The following ARHGAP15 variants were observed in gnomAD, a reference collection of about 807,000 sequenced individuals.
ARHGAP15 encodes Rho GTPase activating protein 15, also known as rho GTPase-activating protein 15.
A neutral mutation model predicts 63.7 loss-of-function variants in ARHGAP15; 51 were observed. The observed-to-expected ratio is 0.80, with a 90% confidence interval of 0.64 to 1.01. The LOEUF (loss-of-function observed/expected upper bound fraction) is 1.01, where lower values mean the gene tolerates loss of function less well. Ranked by LOEUF, ARHGAP15 falls within the 50% of genes least tolerant of loss-of-function variation. ARHGAP15 has a pLI of 0.00. For missense variants in ARHGAP15, 560 were observed against 564.6 expected, an observed-to-expected ratio of 0.99 and a Z score of 0.08; for synonymous variants, 191 against 193.8, an observed-to-expected ratio of 0.99 and a Z score of 0.12.
intron 6 of ARHGAP15, among the ~76,000 whole-genome samples, chr2:143,274,690 G>GT (rs997170406): frequency 6.6e-6 from 1 of 152,194 alleles, no homozygotes; most frequent in Admixed American, 6.5e-5. Flanking sequence ...AACACATCGT[G>GT]TTTATAATTG....
At chr2:143,570,301 G>A (rs966634668) in intron 11 of ARHGAP15, among the ~76,000 whole-genome samples, 2 of 152,044 alleles carry the variant, frequency 1.3e-5, no homozygotes, top group East Asian at 1.9e-4. Flanking sequence ...CAAACCACAA[G>A]AATCACTCCT....
chr2:143,205,498 G>C (rs955575877), intron 3 of ARHGAP15, among the ~76,000 whole-genome samples: 15 of 152,206 alleles, frequency 9.9e-5, no homozygotes, highest in South Asian at 2.1e-4. Flanking sequence ...GCTGGAACAT[G>C]TTAGGGACTC....
chr2:143,715,677 T>G (rs185854376), intron 13 of ARHGAP15, among the ~76,000 whole-genome samples: 1 of 152,236 alleles, frequency 6.6e-6, no homozygotes, highest in Admixed American at 6.5e-5. Flanking sequence ...AGGTTTTCTG[T>G]TCACTCTGAT....
intron 6 of ARHGAP15, among the ~76,000 whole-genome samples, chr2:143,361,386 G>C (rs1468479536): frequency 1.3e-5 from 2 of 152,060 alleles, no homozygotes; most frequent in Non-Finnish European, 2.9e-5. Flanking sequence ...TTAATTAAGA[G>C]AGACCTCTGT....
At chr2:143,336,809 C>A (rs1022787085) in intron 6 of ARHGAP15, among the ~76,000 whole-genome samples, 21 of 152,080 alleles carry the variant, frequency 1.4e-4, no homozygotes, top group Non-Finnish European at 2.4e-4. Flanking sequence ...AGACTTTCTG[C>A]TTTCTTTTTG....
At chr2:143,407,535 C>A (rs773815146) in intron 6 of ARHGAP15, among the ~76,000 whole-genome samples, 72 of 151,816 alleles carry the variant, frequency 4.7e-4, no homozygotes, top group Non-Finnish European at 7.1e-4. Flanking sequence ...ACAACAGCAA[C>A]AACAACAAAC....
chr2:143,601,264 C>T (rs16822691), intron 11 of ARHGAP15, among the ~76,000 whole-genome samples: 1,576 of 152,184 alleles, frequency 0.01, 29 homozygotes, highest in African/African-American at 0.036. Context: ...TGTTTTAAAA[C>T]GGCCTGTACT....
intron 9 of ARHGAP15, among the ~76,000 whole-genome samples, chr2:143,513,857 T>C (rs1693689957): frequency 6.6e-6 from 1 of 152,156 alleles, no homozygotes; most frequent in Non-Finnish European, 1.5e-5. Context: ...TTTATTGTCT[T>C]AGTTCGGGTC....
At chr2:143,272,883 T>C (rs931242039) in intron 6 of ARHGAP15, among the ~76,000 whole-genome samples, 8 of 152,212 alleles carry the variant, frequency 5.3e-5, no homozygotes, top group East Asian at 1.9e-4. Context: ...TGCTTTTTAA[T>C]TGGATGTGTT....
At chr2:143,509,479 A>T (rs978858682) in intron 9 of ARHGAP15, among the ~76,000 whole-genome samples, 9 of 152,236 alleles carry the variant, frequency 5.9e-5, no homozygotes, top group African/African-American at 2.2e-4. Context: ...CCAAAGCATC[A>T]TAAGTTAACG....
chr2:143,700,852 C>G (rs1243299264), intron 12 of ARHGAP15, among the ~76,000 whole-genome samples: 5 of 152,036 alleles, frequency 3.3e-5, no homozygotes, highest in Non-Finnish European at 7.4e-5. Context: ...TACTTTTTTT[C>G]TGGTTTATGA....
intron 12 of ARHGAP15, among the ~76,000 whole-genome samples, chr2:143,632,073 G>GATACATGTATACAGTGTGTAAC (rs1680063328): frequency 6.6e-6 from 1 of 152,000 alleles, no homozygotes; most frequent in South Asian, 2.1e-4. Context: ...ATGATGGTTT[G>GATACATGTATACAGTGTGTAAC]ATACATGTAT....
intron 11 of ARHGAP15, among the ~76,000 whole-genome samples, chr2:143,615,039 C>A (rs1220386029): frequency 6.6e-6 from 1 of 152,196 alleles, no homozygotes; most frequent in African/African-American, 2.4e-5. Context: ...TCTCCCAACT[C>A]TTATTTTGTG....
At chr2:143,445,346 A>G (rs1470207938) in intron 8 of ARHGAP15, among the ~76,000 whole-genome samples, 1 of 151,780 alleles carries the variant, frequency 6.6e-6, no homozygotes, top group East Asian at 1.9e-4. Context: ...TATTTTTAGT[A>G]GAGATGCGAT....
At chr2:143,153,777 A>ATCATCTTCT (rs1553440880) in intron 1 of ARHGAP15, among the ~76,000 whole-genome samples, 1 of 85,194 alleles carries the variant, frequency 1.2e-5, no homozygotes, top group Non-Finnish European at 2.6e-5. Context: ...TATATAATAA[A>ATCATCTTCT]TCTTCTTCTT....
chr2:143,346,212 A>ACT (rs879897795), intron 6 of ARHGAP15, among the ~76,000 whole-genome samples: 36 of 135,258 alleles, frequency 2.7e-4, no homozygotes, highest in African/African-American at 7.2e-4. Flanking sequence ...TCACACACAC[A>ACT]CTCTCTCTCA....
At chr2:143,494,989 G>A (rs1237414563) in intron 9 of ARHGAP15, among the ~76,000 whole-genome samples, 2 of 152,180 alleles carry the variant, frequency 1.3e-5, no homozygotes, top group Non-Finnish European at 2.9e-5. Flanking sequence ...GACCAAGCCA[G>A]GCTTGAAGCC....
At chr2:143,704,914 A>G (rs1684256741) in intron 13 of ARHGAP15, among the ~76,000 whole-genome samples, 1 of 152,178 alleles carries the variant, frequency 6.6e-6, no homozygotes, top group Non-Finnish European at 1.5e-5. Flanking sequence ...AAAAACTGAA[A>G]TCTGCCTACC....
At chr2:143,396,727 G>A (rs752722119) in intron 6 of ARHGAP15, among the ~76,000 whole-genome samples, 18 of 151,380 alleles carry the variant, frequency 1.2e-4, no homozygotes, top group Non-Finnish European at 2.1e-4. Context: ...AATATCTGTC[G>A]CTCATCTAGA....
Sources: gnomAD v4.1 joint callset for allele counts (sites outside exome capture counted in the v4.1 genomes callset) on GRCh38, gnomAD v4.1.1 for gene constraint, MANE v1.5 for transcripts, NCBI Gene and HGNC (gene_info 2026-07-23, HGNC 2026-07-21) for gene names.